Variants in CHD9 observed in about 807,000 individuals in gnomAD.
CHD9 encodes the protein ATP-dependent chromatin remodeler CHD9.
In CHD9, 77 loss-of-function variants were observed where a neutral mutation model predicts 316.1. The observed-to-expected ratio is 0.24, with a 90% confidence interval of 0.20 to 0.29. The LOEUF (loss-of-function observed/expected upper bound fraction) is 0.29, where lower values mean the gene tolerates loss of function less well. Among genes scored for constraint, CHD9 ranks in the 10% least tolerant of loss-of-function variants. The probability of loss-of-function intolerance (pLI) is 1.00; values close to 1 mark genes in which losing one functional copy is unlikely to be tolerated. For missense variants in CHD9, 2,763 were observed against 3,438.1 expected (o/e 0.80, Z 4.91); for synonymous variants, 1,129 against 1,158.3 (o/e 0.97, Z 0.51).
intron 2 of CHD9, among the ~76,000 whole-genome samples, chr16:53,182,480 T>C (rs551266941): frequency 6.6e-6 from 1 of 152,336 alleles, no homozygotes; most frequent in African/African-American, 2.4e-5. Context: ...CTTCAGAGGA[T>C]AGTCTTTTGA....
Position 53,255,714 on chromosome 16 carries a change from A to G in CHD9, c.4144A>G (p.Ile1382Val). 6.2e-7 allele frequency: 1 copy of G among 1,613,936 alleles called. No individual in the cohort carries two copies. The highest frequency in any genetic ancestry group is 8.5e-7 in the Non-Finnish European group (1 of 1,179,838). Residue 1382 changes from isoleucine (I) to valine (V), a missense_variant, in exon 19 of 39, where the codon ATT becomes GTT. By Grantham distance (29) the Ile-to-Val change is conservative. This residue lies in a region of CHD9 where 199 missense variants were observed against 251.7 expected (regional missense o/e 0.79). Coordinates refer to ENST00000447540, the MANE Select transcript of CHD9 (RefSeq NM_001308319.2). Reference protein sequence around the residue: ...SKFCEEDIDQILLRRTKTITI... With the variant: ...SKFCEEDIDQVLLRRTKTITI... The stretch of plus-strand genomic sequence containing the variant: ...ATTCTGCGAAGAGGATATCGATCAG[A>G]TTTTACTACGTCGTACAAAAACTAT...
intron 2 of CHD9, among the ~76,000 whole-genome samples, chr16:53,196,533 A>G (rs2044942288): frequency 6.6e-6 from 1 of 152,244 alleles, no homozygotes; most frequent in African/African-American, 2.4e-5. Context: ...CTGCCACAAT[A>G]AAATGATTAG....
At chr16:53,320,817 T>C (rs1475607585) in intron 37 of CHD9, among the ~76,000 whole-genome samples, 1 of 152,152 alleles carries the variant, frequency 6.6e-6, no homozygotes, top group Non-Finnish European at 1.5e-5. Context: ...GAAAGATATA[T>C]ACAATTTTAT....
In CHD9 at chr16:53,171,830, CCACACACACA is replaced by C. The variant is rs71380026; in HGVS notation, c.1452+14310_1452+14319del. The stretch of plus-strand genomic sequence containing the variant: ...AGACCCTATCTCAAAACAAACAAAA[CCACACACACA>C]CACACACACACACACACACAGACAC... On this transcript the variant is annotated intron_variant, in intron 2 of 38. Transcript: ENST00000447540. 8.3e-4 allele frequency among the ~76,000 whole-genome samples: 113 copies of C among 135,636 alleles called. 1 individual carries two copies. The highest frequency in any genetic ancestry group is 2.6e-3 in the African/African-American group (91 of 35,638). The allele number at this position is 135,636 out of a possible 152,430, so 89.0% of individuals were successfully genotyped here. A position where few individuals can be genotyped will look rare whatever the true frequency, so the allele number is the denominator to read the frequency against.
rs2057516351 is a variant in CHD9, at chr16:53,325,684, A to T, written c.*789A>T. On this transcript the variant is annotated 3_prime_UTR_variant, in exon 39 of 39. Transcript: ENST00000447540. ...ACTTTGGCACCCTATAGACATACTT[A>T]GTTTTAACTTTTCAAAGTTTGGCCT... is the stretch of plus-strand genomic sequence containing the variant. 1 of 152,320 alleles carries T rather than the reference A, an allele frequency of 6.6e-6. No homozygotes were observed. The highest frequency in any genetic ancestry group is 2.1e-4 in the South Asian group (1 of 4,834). The allele number at this position is 152,320 out of a possible 1,614,324, so 9.4% of individuals were successfully genotyped here. A position where few individuals can be genotyped will look rare whatever the true frequency, so the allele number is the denominator to read the frequency against.
At chr16:53,213,248 G>A (rs904827810) in intron 3 of CHD9, among the ~76,000 whole-genome samples, 8 of 152,214 alleles carry the variant, frequency 5.3e-5, no homozygotes, top group African/African-American at 1.7e-4. Context: ...GGAGTTGCTT[G>A]TGGCTATGTG....
intron 17 of CHD9, among the ~76,000 whole-genome samples, chr16:53,252,364 A>G (rs993381944): frequency 6.6e-6 from 1 of 152,206 alleles, no homozygotes; most frequent in African/African-American, 2.4e-5. Flanking sequence ...AGAGAATGAA[A>G]CTGGATCCTC....
intron 34 of CHD9, among the ~76,000 whole-genome samples, chr16:53,310,310 T>C (rs1446818425): frequency 6.6e-6 from 1 of 152,156 alleles, no homozygotes; most frequent in African/African-American, 2.4e-5. Flanking sequence ...AACAATTTTG[T>C]TATCAAAGGA....
chr16:53,132,542 C>T (rs2039402860), intron 1 of CHD9, among the ~76,000 whole-genome samples: 1 of 152,190 alleles, frequency 6.6e-6, no homozygotes, highest in Non-Finnish European at 1.5e-5. Flanking sequence ...AAAAGCTGAA[C>T]TTAAAGGAGG....
At chr16:53,123,588 G>A (rs1379205606) in intron 1 of CHD9, among the ~76,000 whole-genome samples, 1 of 152,000 alleles carries the variant, frequency 6.6e-6, no homozygotes, top group East Asian at 1.9e-4. Context: ...TGCAACCTCT[G>A]CCTCCTGGGT....
chr16:53,069,753 T>C (rs899614344), intron 1 of CHD9, among the ~76,000 whole-genome samples: 3 of 152,222 alleles, frequency 2.0e-5, no homozygotes, highest in African/African-American at 7.2e-5. Flanking sequence ...AATATATACC[T>C]ATAATGGAAT....
chr16:53,166,535 TATAAG>T (rs1327124720), intron 2 of CHD9, among the ~76,000 whole-genome samples: 2 of 152,180 alleles, frequency 1.3e-5, no homozygotes, highest in East Asian at 3.8e-4. Flanking sequence ...ATACATGAAA[TATAAG>T]ATAATTTGTT....
intron 1 of CHD9, among the ~76,000 whole-genome samples, chr16:53,130,572 C>G (rs2039189447): frequency 1.3e-5 from 2 of 150,622 alleles, no homozygotes; most frequent in African/African-American, 4.8e-5. Flanking sequence ...CGGACCACTG[C>G]ACTGCCCCGC....
At chr16:53,319,542 A>G (rs942071709) in intron 37 of CHD9, among the ~76,000 whole-genome samples, 21 of 152,176 alleles carry the variant, frequency 1.4e-4, no homozygotes, top group Admixed American at 3.3e-4. Flanking sequence ...ACAAGGTGAC[A>G]TTTCAGTAGC....
intron 3 of CHD9, among the ~76,000 whole-genome samples, chr16:53,213,941 A>G (rs2046533292): frequency 6.6e-6 from 1 of 152,158 alleles, no homozygotes; most frequent in African/African-American, 2.4e-5. Context: ...TGTTACAGGA[A>G]TAGTAGTTAT....
chr16:53,284,487 A>G (rs2053688349), intron 24 of CHD9, among the ~76,000 whole-genome samples: 1 of 152,112 alleles, frequency 6.6e-6, no homozygotes, highest in Non-Finnish European at 1.5e-5. Flanking sequence ...CACTGTGGTA[A>G]AGAAGTGAAC....
chr16:53,269,618 T>C (rs772181436), intron 22 of CHD9, among the ~76,000 whole-genome samples: 10 of 152,188 alleles, frequency 6.6e-5, no homozygotes, highest in Non-Finnish European at 1.3e-4. Flanking sequence ...TCTAGGTAGA[T>C]GGAAGAATCA....
intron 1 of CHD9, among the ~76,000 whole-genome samples, chr16:53,110,293 A>G (rs2037762503): frequency 6.6e-6 from 1 of 152,208 alleles, no homozygotes; most frequent in Non-Finnish European, 1.5e-5. Context: ...ATGCCTTCAG[A>G]AATAATCTGC....
chr16:53,217,912 TTTTCTTTCTTTCTTTCTTTC>T (rs138448097), intron 3 of CHD9, among the ~76,000 whole-genome samples: 38,354 of 144,178 alleles, frequency 0.27, 5,150 homozygotes, highest in Middle Eastern at 0.29. Flanking sequence ...GCTTATACTC[TTTTCTTTCTTTCTTTCTTTC>T]TTTCTTTCTT....
Sources: gnomAD v4.1 joint callset for allele counts (sites outside exome capture counted in the v4.1 genomes callset) on GRCh38, gnomAD v4.1.1 for gene constraint, gnomAD v4.1.1 regional missense constraint, MANE v1.5 for transcripts, NCBI Gene and HGNC (gene_info 2026-07-23, HGNC 2026-07-21) for gene names.